The following DMXL1 variants were observed in gnomAD, a reference collection of about 807,000 sequenced individuals.
DMXL1 encodes the protein dmX-like protein 1.
In DMXL1, 99 loss-of-function variants were observed where a neutral mutation model predicts 319.2. That is an observed-to-expected ratio of 0.31 (90% CI 0.26 to 0.37). The LOEUF (loss-of-function observed/expected upper bound fraction) is 0.37, where lower values mean the gene tolerates loss of function less well. Ranked by LOEUF, DMXL1 falls within the 10% of genes least tolerant of loss-of-function variation. The pLI, the probability that DMXL1 is intolerant of heterozygous loss-of-function variation, is 1.00. For missense variants in DMXL1, 3,745 were observed against 3,595.6 expected (o/e 1.04, Z -1.06); for synonymous variants, 1,385 against 1,235.2 (o/e 1.12, Z -2.54).
At position 119,221,049 on chromosome 5, in the gene DMXL1, G is replaced by T. The variant is rs773403441; in HGVS notation, c.8245G>T (p.Gly2749Cys). 1.9e-6 allele frequency: 3 copies of T among 1,613,502 alleles called. No individual in the cohort carries two copies. Among genetic ancestry groups the T allele is most frequent in the Admixed American group, 3.3e-5 (2 of 59,972 alleles). ...CACTCCAATCAACATGCCATGGCTT[G>T]GTAGTACACAGACTGGCAGAGGAGC... ...PGTPINMPWL[G>C]STQTGRGASV... The change falls in exon 37 of 44, where the codon GGT (glycine) becomes TGT (cysteine). Residue 2749 changes from glycine (G) to cysteine (C), a missense_variant. By Grantham distance (159) the Gly-to-Cys change is radical (BLOSUM62 -3). This residue lies in a region of DMXL1 where 1,382 missense variants were observed against 1,269.5 expected (regional missense o/e 1.09). Coordinates refer to ENST00000539542, the MANE Select transcript of DMXL1 (RefSeq NM_001290321.3).
intron 13 of DMXL1, among the ~76,000 whole-genome samples, chr5:119,134,742 A>G (rs1342328896): frequency 6.6e-6 from 1 of 152,206 alleles, no homozygotes; most frequent in African/African-American, 2.4e-5. Flanking sequence ...TAGAATTTTA[A>G]TCTTAAACAT....
chr5:119,139,982 T>A (rs1286420709), intron 13 of DMXL1, among the ~76,000 whole-genome samples: 1 of 152,122 alleles, frequency 6.6e-6, no homozygotes, highest in African/African-American at 2.4e-5. Context: ...CTTAAACCAG[T>A]CAATTACATG....
In DMXL1 at chr5:119,148,613, C is replaced by G. The variant is rs1019909470; in HGVS notation, c.2912-126C>G. 16 of 896,148 alleles carry G rather than the reference C, an allele frequency of 1.8e-5. No individual in the cohort carries two copies. The Admixed American group carries it at 3.1e-4, about 18-fold the overall frequency. 55.5% of individuals were successfully genotyped at this position (896,148 alleles called of 1,614,324 possible). A position where few individuals can be genotyped will look rare whatever the true frequency, so the allele number is the denominator to read the frequency against. The stretch of plus-strand genomic sequence containing the variant: ...TTATGCAGTTTAAAAAACATACAGC[C>G]AAGATGCCCCTTTGATTTTGTTCAT... On this transcript the variant is annotated intron_variant, in intron 17 of 43. Coordinates refer to ENST00000539542, the MANE Select transcript of DMXL1 (RefSeq NM_001290321.3).
At chr5:119,192,182 T>C (rs1329433643) in intron 29 of DMXL1, among the ~76,000 whole-genome samples, 1 of 152,236 alleles carries the variant, frequency 6.6e-6, no homozygotes, top group Non-Finnish European at 1.5e-5. Flanking sequence ...CAAAACTTTT[T>C]CATCATCCCA....
At chr5:119,099,372 G>T (rs930441194) in intron 2 of DMXL1, among the ~76,000 whole-genome samples, 10 of 151,858 alleles carry the variant, frequency 6.6e-5, no homozygotes, top group Non-Finnish European at 1.5e-4. Flanking sequence ...CATCATACCC[G>T]GCTAATTTTT....
intron 35 of DMXL1, among the ~76,000 whole-genome samples, chr5:119,218,559 C>T (rs1320555602): frequency 5.9e-5 from 9 of 152,028 alleles, no homozygotes; most frequent in Admixed American, 6.6e-5. Flanking sequence ...CGGGTTCAAG[C>T]GATTCTCCTG....
rs185353850 is a variant in DMXL1, at chr5:119,203,242, A to G, written c.7746-77A>G. 6.7e-5 allele frequency: 60 copies of G among 899,514 alleles called. No homozygotes were observed. The African/African-American group carries it at 8.4e-4, about 13-fold the overall frequency. 55.7% of individuals were successfully genotyped at this position (899,514 alleles called of 1,614,324 possible). On this transcript the variant is annotated intron_variant, in intron 32 of 43. Coordinates refer to ENST00000539542, the MANE Select transcript of DMXL1 (RefSeq NM_001290321.3). ...TTGCAGTTAATTTATTATAATTTAT[A>G]TGGCACCAAGGAATTGTTATCAAGT...
chr5:119,233,236 G>T, intron 38 of DMXL1, 104 bp from the exon 39 acceptor site: 1 of 1,161,080 alleles, frequency 8.6e-7, no homozygotes, highest in South Asian at 1.5e-5. Context: ...TATATAAGTT[G>T]ATTTAGATGT....
chr5:119,189,654 A>T, intron 28 of DMXL1, 54 bp from the exon 29 acceptor site: 2 of 1,540,996 alleles, frequency 1.3e-6, no homozygotes, highest in Non-Finnish European at 1.8e-6. Context: ...AACACAGGTG[A>T]AATAAATGCA....
intron 23 of DMXL1, among the ~76,000 whole-genome samples, chr5:119,168,586 T>C (rs957986903): frequency 6.6e-6 from 1 of 152,208 alleles, no homozygotes; most frequent in Non-Finnish European, 1.5e-5. Flanking sequence ...TTCCTAAACC[T>C]TTGAGAAAGC....
intron 33 of DMXL1, among the ~76,000 whole-genome samples, chr5:119,204,895 A>G (rs1781487856): frequency 6.6e-6 from 1 of 152,230 alleles, no homozygotes; most frequent in Non-Finnish European, 1.5e-5. Context: ...AAAAAGCAAG[A>G]TTGACATCTA....
chr5:119,207,137 T>G (rs1035849946), intron 34 of DMXL1, among the ~76,000 whole-genome samples: 1 of 152,164 alleles, frequency 6.6e-6, no homozygotes, highest in Non-Finnish European at 1.5e-5. Context: ...GCTACAAATT[T>G]TTCTGAGTAA....
chr5:119,130,263 C>G (rs112571398), intron 10 of DMXL1, among the ~76,000 whole-genome samples: 54 of 152,028 alleles, frequency 3.6e-4, no homozygotes, highest in African/African-American at 1.2e-3. Context: ...ACACAAACAT[C>G]TAAATACAGA....
At chr5:119,188,329 G>A (rs923871599) in intron 28 of DMXL1, among the ~76,000 whole-genome samples, 10 of 152,046 alleles carry the variant, frequency 6.6e-5, no homozygotes, top group African/African-American at 2.2e-4. Flanking sequence ...AGCTACTCAG[G>A]CGTCTGAGGT....
intron 1 of DMXL1, among the ~76,000 whole-genome samples, chr5:119,073,422 G>C (rs931020907): frequency 9.2e-5 from 14 of 152,178 alleles, no homozygotes; most frequent in African/African-American, 3.4e-4. Context: ...GAACTTCAAA[G>C]CATATGCAGT....
chr5:119,168,383 A>G (rs1465046076), intron 23 of DMXL1, among the ~76,000 whole-genome samples: 1 of 152,206 alleles, frequency 6.6e-6, no homozygotes, highest in African/African-American at 2.4e-5. Context: ...CTTAGAGGCC[A>G]GTATAAAATG....
At chr5:119,147,064 G>A in intron 16 of DMXL1, 108 bp downstream of exon 16, 1 of 1,288,278 alleles carries the variant, frequency 7.8e-7, no homozygotes, top group Non-Finnish European at 1.1e-6. Flanking sequence ...CTCATTAAAT[G>A]GTGATAACTG....
chr5:119,102,094 G>T, intron 3 of DMXL1, 88 bp downstream of exon 3: 1 of 798,088 alleles, frequency 1.3e-6, no homozygotes. Flanking sequence ...TGAGTAAATC[G>T]GTATTACTTA....
Position 119,150,434 on chromosome 5 carries a change from T to G in DMXL1, c.4594+13T>G, listed in dbSNP as rs1426947800. On this transcript the variant is annotated intron_variant, in intron 18 of 43. Transcript: ENST00000539542. Reference sequence around the variant, plus strand: ...GACAGAAGCCAAGGTAAAACTAAACTCCGTACTGATAACATTTTTACTTAC... The same window carrying G: ...GACAGAAGCCAAGGTAAAACTAAACGCCGTACTGATAACATTTTTACTTAC... 6.3e-7 allele frequency: 1 copy of G among 1,576,564 alleles called. No homozygotes were observed. The highest frequency in any genetic ancestry group is 8.6e-7 in the Non-Finnish European group (1 of 1,166,856).
Sources: allele counts gnomAD v4.1 joint callset (sites outside exome capture counted in the v4.1 genomes callset), GRCh38; gene constraint gnomAD v4.1.1; regional missense constraint gnomAD v4.1.1; transcripts MANE v1.5; gene names NCBI Gene and HGNC (gene_info 2026-07-23, HGNC 2026-07-21).